The following SORCS1 variants were observed in gnomAD, a reference collection of about 807,000 sequenced individuals.
The protein encoded by SORCS1 is sortilin related VPS10 domain containing receptor 1.
In SORCS1, 60 loss-of-function variants were observed where a neutral mutation model predicts 146.1. The observed-to-expected ratio is 0.41, with a 90% CI of 0.33 to 0.51. The LOEUF (loss-of-function observed/expected upper bound fraction) is 0.51, where lower values mean the gene tolerates loss of function less well. Among genes scored for constraint, SORCS1 ranks in the 20% least tolerant of loss-of-function variants. The pLI, the probability that SORCS1 is intolerant of heterozygous loss-of-function variation, is 0.21. For missense variants in SORCS1, 1,352 were observed against 1,487.6 expected, an observed-to-expected ratio of 0.91 and a Z score of 1.50; for synonymous variants, 637 against 584.0, an observed-to-expected ratio of 1.09 and a Z score of -1.31.
intron 18 of SORCS1, 81 bp from the exon 19 acceptor site, chr10:106,629,469 C>G: frequency 1.4e-6 from 2 of 1,443,314 alleles, no homozygotes; most frequent in Non-Finnish European, 1.9e-6. Flanking sequence ...ACGGCTTGTC[C>G]TAGTCCCTGG....
intron 1 of SORCS1, among the ~76,000 whole-genome samples, chr10:107,153,944 G>A (rs1969051899): frequency 6.8e-6 from 1 of 147,718 alleles, no homozygotes; most frequent in Non-Finnish European, 1.5e-5. Context: ...TAATTTTACA[G>A]TATATAATAA....
chr10:106,787,605 C>T (rs1057462748), intron 3 of SORCS1, among the ~76,000 whole-genome samples: 1 of 152,190 alleles, frequency 6.6e-6, no homozygotes, highest in African/African-American at 2.4e-5. Context: ...ACAAAATCAG[C>T]TCTCTTGACA....
At chr10:106,824,358 G>A (rs555056206) in intron 3 of SORCS1, among the ~76,000 whole-genome samples, 170 of 151,266 alleles carry the variant, frequency 1.1e-3, no homozygotes, top group Non-Finnish European at 2.0e-3. Context: ...TTGGGAGGCC[G>A]AGGCGGGTGG....
intron 1 of SORCS1, among the ~76,000 whole-genome samples, chr10:106,996,613 G>A (rs764452155): frequency 5.9e-5 from 9 of 152,076 alleles, no homozygotes; most frequent in African/African-American, 9.7e-5. Flanking sequence ...CTTGCCTTTC[G>A]TCGTACCAAA....
intron 3 of SORCS1, among the ~76,000 whole-genome samples, chr10:106,807,841 T>G (rs1422921261): frequency 6.6e-6 from 1 of 152,258 alleles, no homozygotes; most frequent in East Asian, 1.9e-4. Flanking sequence ...CCTCCTTTGT[T>G]GTCTGCAATG....
chr10:107,047,078 T>C (rs1209818925), intron 1 of SORCS1, among the ~76,000 whole-genome samples: 1 of 152,174 alleles, frequency 6.6e-6, no homozygotes, highest in East Asian at 1.9e-4. Context: ...AACCTCTGCC[T>C]CCCGGGTTCA....
At chr10:107,079,678 C>T (rs1045475218) in intron 1 of SORCS1, among the ~76,000 whole-genome samples, 6 of 152,154 alleles carry the variant, frequency 3.9e-5, no homozygotes, top group African/African-American at 1.2e-4. Flanking sequence ...TTTGAGGCCA[C>T]AGATACTTCA....
At chr10:106,674,152 T>TA (rs35781544) in intron 14 of SORCS1, among the ~76,000 whole-genome samples, 104,495 of 126,266 alleles carry the variant, frequency 0.83, 44,001 homozygotes, top group Non-Finnish European at 0.92. Flanking sequence ...CTGTCTCTAC[T>TA]AAAAAAAAAA....
At chr10:107,139,859 C>T (rs756507774) in intron 1 of SORCS1, among the ~76,000 whole-genome samples, 7 of 152,172 alleles carry the variant, frequency 4.6e-5, no homozygotes, top group African/African-American at 1.2e-4. Context: ...AAGTGCTTCA[C>T]GTATGTCCTC....
chr10:106,794,866 A>T (rs1946476302), intron 3 of SORCS1, among the ~76,000 whole-genome samples: 1 of 152,166 alleles, frequency 6.6e-6, no homozygotes, highest in Admixed American at 6.5e-5. Context: ...CACTCCATTC[A>T]TCTACAATTA....
chr10:106,986,336 A>C (rs1487041735), intron 1 of SORCS1, among the ~76,000 whole-genome samples: 1 of 152,192 alleles, frequency 6.6e-6, no homozygotes, highest in African/African-American at 2.4e-5. Flanking sequence ...GGTTTAAAAA[A>C]CTTACATATT....
intron 18 of SORCS1, among the ~76,000 whole-genome samples, chr10:106,642,931 C>T (rs774411447): frequency 2.0e-5 from 3 of 152,290 alleles, no homozygotes; most frequent in Middle Eastern, 3.4e-3. Flanking sequence ...GAGCCACAGG[C>T]CAAACTGGCT....
In SORCS1 at chr10:106,616,259, G is replaced by A. The variant is rs139642612; in HGVS notation, c.2920+1890C>T. ...GCATAACCAAGAGGACATCTGTTGG[G>A]CTAATAGGTCAGTGCCCATTAGTGC... On this transcript the variant is annotated intron_variant, in intron 21 of 25. Transcript: ENST00000263054. Among the ~76,000 whole-genome samples the A allele has an allele frequency of 8.3e-3, 1,262 of 152,196 alleles. 17 individuals are homozygous for A. The highest frequency in any genetic ancestry group is 0.028 in the African/African-American group (1,179 of 41,506).
intron 5 of SORCS1, among the ~76,000 whole-genome samples, chr10:106,745,114 G>T (rs957008693): frequency 6.6e-6 from 1 of 152,046 alleles, no homozygotes; most frequent in Non-Finnish European, 1.5e-5. Context: ...GTGAGAAAGA[G>T]ATATTAGTAA....
intron 2 of SORCS1, among the ~76,000 whole-genome samples, chr10:106,875,698 A>AT (rs1488746402): frequency 6.6e-6 from 1 of 152,032 alleles, no homozygotes; most frequent in Non-Finnish European, 1.5e-5. Context: ...TGTAATTTGC[A>AT]TTTCCCTGGT....
At chr10:106,886,948 AAAG>A (rs1951025412) in intron 2 of SORCS1, among the ~76,000 whole-genome samples, 1 of 152,220 alleles carries the variant, frequency 6.6e-6, no homozygotes. Flanking sequence ...ATGTTTAGAA[AAAG>A]AAGACCAGGG....
upstream of SORCS1, among the ~76,000 whole-genome samples, chr10:107,166,052 A>G (rs1970042359): frequency 6.6e-6 from 1 of 152,192 alleles, no homozygotes; most frequent in Admixed American, 6.5e-5. Context: ...TAAGGGTTGA[A>G]ATGGTTTCAG....
At chr10:107,173,062 C>T in the SORCS1 span, among the ~76,000 whole-genome samples, 35 of 152,250 alleles carry the variant, frequency 2.3e-4, no homozygotes, top group African/African-American at 8.4e-4. Flanking sequence ...AGAAATCTTT[C>T]TCAGCATCCG....
chr10:106,821,725 T>A (rs1948036672), intron 3 of SORCS1, among the ~76,000 whole-genome samples: 1 of 152,090 alleles, frequency 6.6e-6, no homozygotes, highest in East Asian at 1.9e-4. Context: ...ATCAAGACCA[T>A]CCTGGCTAAG....
Sources: allele counts gnomAD v4.1 joint callset (sites outside exome capture counted in the v4.1 genomes callset), GRCh38; gene constraint gnomAD v4.1.1; transcripts MANE v1.5; gene names NCBI Gene and HGNC (gene_info 2026-07-23, HGNC 2026-07-21).